Variants in RPS6KA6 observed in about 807,000 individuals in gnomAD.
RPS6KA6 encodes ribosomal protein S6 kinase A6.
Under a neutral mutation model 65.4 loss-of-function variants are expected in RPS6KA6, and 27 were observed. That is an observed-to-expected ratio of 0.41 (90% CI 0.30 to 0.57). The LOEUF is 0.57. RPS6KA6 is among the 20% of genes least tolerant of loss of function. The pLI, the probability that RPS6KA6 is intolerant of heterozygous loss-of-function variation, is 0.24. For synonymous variants in RPS6KA6, 190 were observed against 184.2 expected, an observed-to-expected ratio of 1.03 and a Z score of -0.26; for missense variants, 486 against 555.6, an observed-to-expected ratio of 0.87 and a Z score of 1.26.
Position 84,065,004 on chromosome X carries a change from C to A in RPS6KA6, c.2079G>T (p.Gln693His). 1 of 1,207,121 alleles carries A rather than the reference C, an allele frequency of 8.3e-7. No individual in the cohort carries two copies. Among genetic ancestry groups the A allele is most frequent in the Non-Finnish European group, 1.1e-6 (1 of 892,067 alleles). ...ITHRDQLPND[Q>H]PKRNDVSHVV... ...CATGTGACACATCATTTCTCTTTGGCTGATCATTTGGCAACTGGTCTCTGT... is the reference window on the plus strand; with the variant it reads ...CATGTGACACATCATTTCTCTTTGGATGATCATTTGGCAACTGGTCTCTGT... The change falls in exon 21 of 22, where the codon CAG becomes CAT. Residue 693 changes from glutamine (Q) to histidine (H), a missense_variant. Physicochemically the swap from Gln to His is conservative, Grantham distance 24. Coordinates refer to ENST00000262752, the MANE Select transcript of RPS6KA6 (RefSeq NM_014496.5).
At chrX:84,179,641 G>A (rs1184528531) in intron 1 of RPS6KA6, among the ~76,000 whole-genome samples, 2 of 111,737 alleles carry the variant, frequency 1.8e-5, no homozygotes, top group East Asian at 5.6e-4. Context: ...TCCCTTAAGA[G>A]ATTCTATAAG....
intron 12 of RPS6KA6, among the ~76,000 whole-genome samples, chrX:84,113,256 C>A (rs6616898): frequency 0.051 from 5,692 of 111,269 alleles, 200 homozygotes; most frequent in East Asian, 0.2. Flanking sequence ...TGGTGCCAAT[C>A]TTACTAAAAC....
chrX:84,116,494 T>C (rs2034567336), intron 11 of RPS6KA6, among the ~76,000 whole-genome samples: 1 of 111,385 alleles, frequency 9.0e-6, no homozygotes, highest in African/African-American at 3.3e-5. Flanking sequence ...TGAACTACAA[T>C]AAAGTGTCTC....
chrX:84,166,077 T>C (rs2035593014), intron 1 of RPS6KA6, among the ~76,000 whole-genome samples: 1 of 112,054 alleles, frequency 8.9e-6, no homozygotes, highest in African/African-American at 3.2e-5. Context: ...TGAACTACAA[T>C]ACCAATAATT....
intron 20 of RPS6KA6, among the ~76,000 whole-genome samples, chrX:84,089,030 C>T (rs758167325): frequency 4.5e-5 from 5 of 111,192 alleles, no homozygotes; most frequent in Non-Finnish European, 9.4e-5. Flanking sequence ...ACTCCTCCCA[C>T]CAGGGGCTCC....
At chrX:84,147,987 T>G (rs1014152885) in intron 4 of RPS6KA6, 55 bp downstream of exon 4, 3 of 755,919 alleles carry the variant, frequency 4.0e-6, no homozygotes, top group Non-Finnish European at 5.9e-6. Context: ...ACACAGCATA[T>G]TTCTTAAACT....
At chrX:84,170,812 G>A (rs769156477) in intron 1 of RPS6KA6, among the ~76,000 whole-genome samples, 8 of 111,337 alleles carry the variant, frequency 7.2e-5, no homozygotes, top group African/African-American at 2.6e-4. Context: ...CCCCTTGAAT[G>A]TGAACATGGC....
intron 20 of RPS6KA6, among the ~76,000 whole-genome samples, chrX:84,083,689 C>T (rs1181272411): frequency 1.8e-5 from 2 of 112,097 alleles, no homozygotes; most frequent in Non-Finnish European, 3.8e-5. Context: ...CATATGTACG[C>T]ATGTATCTTT....
intron 1 of RPS6KA6, among the ~76,000 whole-genome samples, chrX:84,176,932 T>C (rs984125552): frequency 8.9e-6 from 1 of 111,873 alleles, no homozygotes; most frequent in Non-Finnish European, 1.9e-5. Flanking sequence ...TTTTTTTCCA[T>C]TAATAAATGT....
At chrX:84,183,376 T>TTCC (rs1289732794) in intron 1 of RPS6KA6, among the ~76,000 whole-genome samples, 1 of 111,595 alleles carries the variant, frequency 9.0e-6, no homozygotes, top group East Asian at 2.8e-4. Context: ...TCACTACTAC[T>TTCC]TCCACTAACA....
chrX:84,060,353 T>G lies in RPS6KA6; in HGVS notation c.*3924A>C, dbSNP rs1167013397. ...TTTTTTTTTTTTTTTGAAATAACAT[T>G]GTGACTTAAAGGATTTCTAGGTCCT... On this transcript the variant is annotated 3_prime_UTR_variant, in exon 22 of 22. Transcript: ENST00000262752. 9.6e-6 allele frequency: 1 copy of G among 104,000 alleles called. No homozygotes were observed. Among genetic ancestry groups the G allele is most frequent in the African/African-American group, 3.5e-5 (1 of 28,358 alleles). The allele number at this position is 104,000 out of a possible 1,213,427, so 8.6% of individuals were successfully genotyped here. A position where few individuals can be genotyped will look rare whatever the true frequency, so the allele number is the denominator to read the frequency against.
chrX:84,114,154 C>A (rs923318053), intron 12 of RPS6KA6, among the ~76,000 whole-genome samples: 1 of 111,075 alleles, frequency 9.0e-6, no homozygotes, highest in Admixed American at 9.6e-5. Flanking sequence ...AATGGAGAAA[C>A]ATCTCATGCT....
chrX:84,133,432 T>C (rs1203026261), intron 8 of RPS6KA6, among the ~76,000 whole-genome samples: 1 of 111,809 alleles, frequency 8.9e-6, no homozygotes, highest in Non-Finnish European at 1.9e-5. Flanking sequence ...TTTCTTCCTG[T>C]TACATGCTTT....
chrX:84,154,222 T>C (rs1444119366), intron 3 of RPS6KA6, among the ~76,000 whole-genome samples: 1 of 111,498 alleles, frequency 9.0e-6, no homozygotes, highest in East Asian at 2.8e-4. Context: ...TGTCATGCTT[T>C]TGTGAACAGA....
chrX:84,185,969 A>G, intron 1 of RPS6KA6: 1 of 486,722 alleles, frequency 2.1e-6, no homozygotes, highest in South Asian at 2.6e-5. Context: ...TTCACCTATA[A>G]TATTTTTTAT....
chrX:84,163,387 C>G (rs1328227034), intron 2 of RPS6KA6, among the ~76,000 whole-genome samples: 1 of 110,386 alleles, frequency 9.1e-6, no homozygotes. Context: ...CGCCTGTAAT[C>G]CCAGCACTTT....
rs1482230406 is a variant in RPS6KA6, at chrX:84,059,106, TTTC to T, written c.*5168_*5170del. ...TAATGTGTAACTTTTTAAATGGCTG[TTTC>T]TTTTCTTTTTTTTTTTTTTTTTTTT... On this transcript the variant is annotated 3_prime_UTR_variant, in exon 22 of 22. Transcript: ENST00000262752. The T allele has an allele frequency of 7.7e-5, 7 of 90,657 alleles. No individual in the cohort carries two copies. Among genetic ancestry groups the T allele is most frequent in the South Asian group, 1.1e-3 (2 of 1,823 alleles). 7.5% of individuals were successfully genotyped at this position (90,657 alleles called of 1,213,427 possible). A position where few individuals can be genotyped will look rare whatever the true frequency, so the allele number is the denominator to read the frequency against.
At chrX:84,187,392 A>G (rs943083749) in intron 1 of RPS6KA6, 1 of 124,416 alleles carries the variant, frequency 8.0e-6, no homozygotes, top group African/African-American at 3.2e-5. Context: ...CTGGGTTCGT[A>G]AAGCGTCCGG....
intron 20 of RPS6KA6, among the ~76,000 whole-genome samples, chrX:84,069,531 A>C (rs1457296299): frequency 8.9e-6 from 1 of 112,171 alleles, no homozygotes; most frequent in Non-Finnish European, 1.9e-5. Context: ...AAAACACCAA[A>C]AGCACTTGCA....
Sources: gnomAD v4.1 joint callset for allele counts (sites outside exome capture counted in the v4.1 genomes callset) on GRCh38, gnomAD v4.1.1 for gene constraint, MANE v1.5 for transcripts, NCBI Gene and HGNC (gene_info 2026-07-23, HGNC 2026-07-21) for gene names.